Variants in UBE4B observed in about 807,000 individuals in gnomAD.
UBE4B encodes ubiquitin conjugation factor E4 B.
A neutral mutation model predicts 148.1 loss-of-function variants in UBE4B; 27 were observed. That is an observed-to-expected ratio of 0.18 (90% confidence interval 0.13 to 0.25). The LOEUF is 0.25. Among genes scored for constraint, UBE4B ranks in the 10% least tolerant of loss-of-function variants. The probability of loss-of-function intolerance (pLI) is 1.00; values close to 1 mark genes in which losing one functional copy is unlikely to be tolerated. For synonymous variants in UBE4B, 596 were observed against 619.3 expected (o/e 0.96, Z 0.56); for missense variants, 1,170 against 1,662.4 (o/e 0.70, Z 5.15).
chr1:10,051,562 T>C (rs1322659912), intron 1 of UBE4B, among the ~76,000 whole-genome samples: 1 of 152,188 alleles, frequency 6.6e-6, no homozygotes, highest in Non-Finnish European at 1.5e-5. Flanking sequence ...TCCAAAAATC[T>C]CTTCTCACCC....
rs765741134 is a variant in UBE4B, at chr1:10,179,933, G to A, written c.3886G>A (p.Glu1296Lys). The change falls in exon 28 of 28, where the codon GAG (glutamate) becomes AAG (lysine). Residue 1296 changes from glutamate (E) to lysine (K), a missense_variant. Physicochemically the swap from Glu to Lys is moderately conservative, Grantham distance 56. Transcript: ENST00000343090. ...LKEQIQAWMR[E>K]KQNSDH ...AGAGCAGATTCAGGCGTGGATGAGAGAGAAACAGAACAGCGATCACTAAAC... is the reference window on the plus strand; with the variant it reads ...AGAGCAGATTCAGGCGTGGATGAGAAAGAAACAGAACAGCGATCACTAAAC... The A allele has an allele frequency of 3.1e-6, 5 of 1,614,146 alleles. No individual in the cohort carries two copies. Among genetic ancestry groups the A allele is most frequent in the Non-Finnish European group, 4.2e-6 (5 of 1,180,038 alleles).
chr1:10,151,387 A>T lies in UBE4B; in HGVS notation c.2752A>T (p.Met918Leu). The T allele has an allele frequency of 6.2e-7, 1 of 1,614,026 alleles. No individual in the cohort carries two copies. Reference protein sequence around the residue: ...TQDIVMFLVVMLCNQNYIRNP... With the variant: ...TQDIVMFLVVLLCNQNYIRNP... The stretch of plus-strand genomic sequence containing the variant: ...GGATATTGTGATGTTCCTTGTTGTG[A>T]TGTTGTGCAACCAGAACTACATCCG... Residue 918 changes from methionine to leucine, a missense_variant, in exon 21 of 28, where the codon ATG becomes TTG. Physicochemically the swap from Met to Leu is conservative, Grantham distance 15. Around this residue, in one of 6 missense-constraint regions of UBE4B, gnomAD observed 348 missense variants for 627.2 expected, o/e 0.55. Coordinates refer to ENST00000343090, the MANE Select transcript of UBE4B (RefSeq NM_001105562.3).
intron 23 of UBE4B, among the ~76,000 whole-genome samples, chr1:10,167,298 G>T (rs986458179): frequency 6.6e-6 from 1 of 151,472 alleles, no homozygotes; most frequent in Non-Finnish European, 1.5e-5. Flanking sequence ...AATTAGCCGG[G>T]CATGGTGACA....
At chr1:10,095,905 G>T (rs960864386) in intron 3 of UBE4B, among the ~76,000 whole-genome samples, 53 of 152,122 alleles carry the variant, frequency 3.5e-4, no homozygotes, top group African/African-American at 1.3e-3. Flanking sequence ...CTGAGTAGCT[G>T]GGATTACAGG....
intron 7 of UBE4B, among the ~76,000 whole-genome samples, chr1:10,110,704 T>C (rs1645203531): frequency 1.3e-5 from 2 of 152,086 alleles, no homozygotes; most frequent in South Asian, 4.1e-4. Context: ...GTGAAGGAGG[T>C]CAAATCTTGA....
intron 1 of UBE4B, among the ~76,000 whole-genome samples, chr1:10,062,938 A>T (rs1399825306): frequency 1.3e-5 from 2 of 151,194 alleles, no homozygotes; most frequent in Non-Finnish European, 3.0e-5. Context: ...CCTGGGAAAC[A>T]AGAGTGAAAC....
At chr1:10,152,176 T>G (rs1364746840) in intron 21 of UBE4B, among the ~76,000 whole-genome samples, 2 of 151,608 alleles carry the variant, frequency 1.3e-5, no homozygotes, top group Non-Finnish European at 2.9e-5. Flanking sequence ...GGAGAATTGC[T>G]TGAACCCGGG....
At chr1:10,155,528 C>T (rs1646055426) in intron 21 of UBE4B, among the ~76,000 whole-genome samples, 1 of 152,164 alleles carries the variant, frequency 6.6e-6, no homozygotes, top group Admixed American at 6.6e-5. Context: ...TACTAAGGGA[C>T]CGGTGTGAGG....
chr1:10,050,519 T>C (rs924671268), intron 1 of UBE4B, among the ~76,000 whole-genome samples: 27 of 152,184 alleles, frequency 1.8e-4, no homozygotes, highest in African/African-American at 6.5e-4. Context: ...AAATCACTTC[T>C]CTCCTAACAT....
intron 12 of UBE4B, among the ~76,000 whole-genome samples, chr1:10,130,231 C>T (rs924289359): frequency 3.3e-5 from 5 of 152,040 alleles, no homozygotes; most frequent in African/African-American, 4.8e-5. Flanking sequence ...CACACCACCA[C>T]GCCCGGCTAA....
intron 2 of UBE4B, among the ~76,000 whole-genome samples, chr1:10,093,673 C>A (rs144714224): frequency 6.6e-6 from 1 of 151,702 alleles, no homozygotes; most frequent in African/African-American, 2.4e-5. Context: ...TCAAGTTTCT[C>A]TGTTTTCTTT....
At position 10,095,453 on chromosome 1, in the gene UBE4B, C is replaced by A; in HGVS notation, c.212-8C>A. The A allele has an allele frequency of 6.2e-7, 1 of 1,613,032 alleles. No individual in the cohort carries two copies. The highest frequency in any genetic ancestry group is 8.5e-7 in the Non-Finnish European group (1 of 1,179,722). ...TGGGGCTTCATCCTTCCTGTGTTTT[C>A]TGTTTAGGAGTAGCCCATCGAAGCC... is the stretch of plus-strand genomic sequence containing the variant. On this transcript the variant is annotated splice_region_variant and splice_polypyrimidine_tract_variant and intron_variant, in intron 2 of 27. Coordinates refer to ENST00000343090, the MANE Select transcript of UBE4B (RefSeq NM_001105562.3).
chr1:10,161,321 C>T lies in UBE4B; in HGVS notation c.3198+35C>T. 1 of 1,603,766 alleles carries T rather than the reference C, an allele frequency of 6.2e-7. No homozygotes were observed. The highest frequency in any genetic ancestry group is 8.5e-7 in the Non-Finnish European group (1 of 1,172,856). On this transcript the variant is annotated intron_variant, in intron 23 of 27. Coordinates refer to ENST00000343090, the MANE Select transcript of UBE4B (RefSeq NM_001105562.3). The surrounding 1 kb of genome is among the most constrained non-coding windows in gnomAD (Gnocchi z 4.1). ...TGGTCCAGAGGCTTGGACAGCTTTG[C>T]AGGCCATCTGCCTCCACACACGGGC...
At chr1:10,049,323 T>C (rs1392065946) in intron 1 of UBE4B, among the ~76,000 whole-genome samples, 1 of 152,172 alleles carries the variant, frequency 6.6e-6, no homozygotes, top group Non-Finnish European at 1.5e-5. Context: ...CCAGCTAGAC[T>C]TCAAGTGCTA....
Position 10,101,100 on chromosome 1 carries a change from A to G in UBE4B, c.348-8A>G, listed in dbSNP as rs1557551997. The G allele has an allele frequency of 6.2e-7, 1 of 1,613,652 alleles. No individual in the cohort carries two copies. The highest frequency in any genetic ancestry group is 2.2e-5 in the East Asian group (1 of 44,862). On this transcript the variant is annotated splice_region_variant and splice_polypyrimidine_tract_variant and intron_variant, in intron 3 of 27. Coordinates refer to ENST00000343090, the MANE Select transcript of UBE4B (RefSeq NM_001105562.3). ...GGTAAAAGGCTTGTTTGTCTTTTGT[A>G]CTTTAAGCATGTCCCAGGTGGATGT...
chr1:10,072,893 G>T (rs77727478), intron 2 of UBE4B: 1,993 of 155,384 alleles, frequency 0.013, 39 homozygotes, highest in African/African-American at 0.045. Flanking sequence ...CGTAAAGGGG[G>T]TGCTAAGAGA....
At chr1:10,059,829 A>G (rs75297997) in intron 1 of UBE4B, among the ~76,000 whole-genome samples, 1 of 151,788 alleles carries the variant, frequency 6.6e-6, no homozygotes, top group Admixed American at 6.6e-5. Flanking sequence ...CACTCCTTTC[A>G]CACAATCAGA....
chr1:10,180,300 T>C lies in UBE4B; in HGVS notation c.*344T>C, dbSNP rs1646488017. ...CTGGGCAGCATCCCTTCATGAATTT[T>C]TTTTTAATCCAATATCCGTTGATTT... On this transcript the variant is annotated 3_prime_UTR_variant, in exon 28 of 28. Transcript: ENST00000343090. The C allele has an allele frequency of 1.3e-5, 3 of 237,794 alleles. No homozygotes were observed. Among genetic ancestry groups the C allele is most frequent in the Non-Finnish European group, 2.4e-5 (3 of 124,132 alleles). The allele number at this position is 237,794 out of a possible 1,614,324, so 14.7% of individuals were successfully genotyped here. A position where few individuals can be genotyped will look rare whatever the true frequency, so the allele number is the denominator to read the frequency against.
At chr1:10,170,283 T>C (rs1343079439) in intron 24 of UBE4B, among the ~76,000 whole-genome samples, 2 of 152,214 alleles carry the variant, frequency 1.3e-5, no homozygotes, top group African/African-American at 4.8e-5. Context: ...TTATGACTCT[T>C]TTATTTCACA....
Sources: allele counts gnomAD v4.1 joint callset (sites outside exome capture counted in the v4.1 genomes callset), GRCh38; gene constraint gnomAD v4.1.1; regional missense constraint gnomAD v4.1.1; non-coding constraint Gnocchi (gnomAD v3.1); transcripts MANE v1.5; gene names NCBI Gene and HGNC (gene_info 2026-07-23, HGNC 2026-07-21).